Variants in TMEM35B observed in about 807,000 individuals in gnomAD.
The protein encoded by TMEM35B is transmembrane protein 35B.
Under a neutral mutation model 8.7 loss-of-function variants are expected in TMEM35B, and 6 were observed. The observed-to-expected ratio is 0.69, with a 90% CI of 0.38 to 1.36. The LOEUF (loss-of-function observed/expected upper bound fraction) is 1.36, where lower values mean the gene tolerates loss of function less well. Ranked by LOEUF, TMEM35B falls within the 40% of genes most tolerant of loss-of-function variation. TMEM35B has a pLI of 0.02. For missense variants in TMEM35B, 176 were observed against 181.6 expected, an observed-to-expected ratio of 0.97 and a Z score of 0.18; for synonymous variants, 89 against 87.0, an observed-to-expected ratio of 1.02 and a Z score of -0.13.
At chr1:34,981,784 A>C (rs1640509256) in exon 3 of TMEM35B, 1 of 549,252 alleles carries the variant, frequency 1.8e-6, no homozygotes, top group Non-Finnish European at 2.9e-6. Flanking sequence ...TCCTCACAAA[A>C]GAGTAGTAAA....
intron 2 of TMEM35B, among the ~76,000 whole-genome samples, chr1:34,982,965 C>T (rs1159246765): frequency 6.6e-6 from 1 of 152,182 alleles, no homozygotes; most frequent in African/African-American, 2.4e-5. Context: ...GATATCTGGC[C>T]TTTGAAGCAA....
chr1:34,982,224 C>T, intron 2 of TMEM35B, 105 bp from the exon 3 acceptor site: 1 of 923,304 alleles, frequency 1.1e-6, no homozygotes, highest in Non-Finnish European at 1.6e-6. Flanking sequence ...CAAGCCCTCC[C>T]ATTAAACACC....
exon 1 of TMEM35B, chr1:34,985,307 G>A: frequency 6.5e-7 from 1 of 1,530,122 alleles, no homozygotes; most frequent in Non-Finnish European, 8.8e-7. Context: ...GAGCGCCATG[G>A]CCGCGCTCCC....
chr1:34,984,595 G>A (rs190322515), intron 1 of TMEM35B, among the ~76,000 whole-genome samples: 1 of 152,260 alleles, frequency 6.6e-6, no homozygotes, highest in Non-Finnish European at 1.5e-5. Context: ...TTGGTGAACA[G>A]GATATGAAAG....
chr1:34,983,618 T>A (rs1640531426), intron 2 of TMEM35B, 149 bp downstream of exon 2: 1 of 510,574 alleles, frequency 2.0e-6, no homozygotes, highest in South Asian at 6.2e-5. Flanking sequence ...CCTGTGCTAG[T>A]TTGAAGACCA....
intron 1 of TMEM35B, among the ~76,000 whole-genome samples, chr1:34,984,446 C>A (rs1640541727): frequency 6.6e-6 from 1 of 152,202 alleles, no homozygotes; most frequent in South Asian, 2.1e-4. Context: ...TTCCTGTTCC[C>A]ACTCCTCAGC....
At chr1:34,981,932 G>T in exon 3 of TMEM35B, 2 of 1,523,436 alleles carry the variant, frequency 1.3e-6, no homozygotes, top group Non-Finnish European at 1.8e-6. Flanking sequence ...GGCATAAAGA[G>T]ACAGAGATGC....
chr1:34,985,249 C>T (rs915953575), exon 1 of TMEM35B: 107 of 1,546,406 alleles, frequency 6.9e-5, no homozygotes, highest in Non-Finnish European at 8.8e-5. Context: ...TGGCCAACCC[C>T]ACGAGCGCGA....
chr1:34,985,130 G>A lies in TMEM35B; in HGVS notation c.108+68C>T, dbSNP rs1017309962. 5.5e-4 allele frequency: 692 copies of A among 1,262,370 alleles called. 1 individual carries two copies. Among genetic ancestry groups the A allele is most frequent in the Non-Finnish European group, 6.6e-4 (637 of 958,954 alleles). The allele number at this position is 1,262,370 out of a possible 1,614,324, so 78.2% of individuals were successfully genotyped here. A position where few individuals can be genotyped will look rare whatever the true frequency, so the allele number is the denominator to read the frequency against. On this transcript the variant is annotated intron_variant, in intron 1 of 2. Transcript: ENST00000373337. ...GAAGGCGGCCTGCCGGGCCGGGGGCGAGGAGCGGCAGGGCGGAGCACACGC... is the reference window on the plus strand; with the variant it reads ...GAAGGCGGCCTGCCGGGCCGGGGGCAAGGAGCGGCAGGGCGGAGCACACGC...
intron 2 of TMEM35B, among the ~76,000 whole-genome samples, chr1:34,982,891 G>C (rs1346368032): frequency 6.6e-6 from 1 of 152,218 alleles, no homozygotes; most frequent in Admixed American, 6.5e-5. Flanking sequence ...TCCAGAGATG[G>C]AAGCAAGCCT....
intron 2 of TMEM35B, 148 bp downstream of exon 2, chr1:34,983,619 T>C (rs1640531447): frequency 3.8e-6 from 2 of 526,658 alleles, no homozygotes; most frequent in Non-Finnish European, 3.0e-6. Flanking sequence ...CTGTGCTAGT[T>C]TGAAGACCAT....
chr1:34,981,496 T>C (rs1440773890), downstream of TMEM35B: 2 of 152,424 alleles, frequency 1.3e-5, no homozygotes, highest in African/African-American at 2.4e-5. Flanking sequence ...TGGAATACTA[T>C]GCAGCCATTA....
intron 1 of TMEM35B, 116 bp downstream of exon 1, chr1:34,985,082 C>T: frequency 1.3e-6 from 1 of 759,618 alleles, no homozygotes; most frequent in Non-Finnish European, 1.9e-6. Flanking sequence ...TTTCCCCCAG[C>T]TCCAGCTGAG....
chr1:34,982,000 CCTT>C (rs1207491970), exon 3 of TMEM35B: 1 of 1,550,600 alleles, frequency 6.4e-7, no homozygotes, highest in East Asian at 2.4e-5. Flanking sequence ...GGTCTGACCA[CCTT>C]CTTAGTCTGG....
At chr1:34,982,285 C>A (rs938239658) in intron 2 of TMEM35B, among the ~76,000 whole-genome samples, 166 bp from the exon 3 acceptor site, 2 of 152,088 alleles carry the variant, frequency 1.3e-5, no homozygotes, top group African/African-American at 4.8e-5. Flanking sequence ...CATCTCTAGC[C>A]TCCTGGAGAA....
At chr1:34,984,030 G>T in intron 1 of TMEM35B, 83 bp from the exon 2 acceptor site, 1 of 1,269,008 alleles carries the variant, frequency 7.9e-7, no homozygotes, top group Non-Finnish European at 1.0e-6. Flanking sequence ...ATCTATGCCT[G>T]TGCCCTCAAC....
At chr1:34,984,616 A>T (rs1640544179) in intron 1 of TMEM35B, among the ~76,000 whole-genome samples, 4 of 152,154 alleles carry the variant, frequency 2.6e-5, no homozygotes, top group Non-Finnish European at 5.9e-5. Flanking sequence ...CTTTCCCATG[A>T]GTCTGGAACT....
intron 2 of TMEM35B, among the ~76,000 whole-genome samples, chr1:34,983,333 C>T (rs929644571): frequency 2.6e-5 from 4 of 152,124 alleles, no homozygotes; most frequent in African/African-American, 9.7e-5. Context: ...AATCCTAGCA[C>T]TTTGGGAGGC....
intron 2 of TMEM35B, among the ~76,000 whole-genome samples, chr1:34,983,374 C>T (rs745851062): frequency 7.2e-5 from 11 of 151,842 alleles, no homozygotes; most frequent in African/African-American, 4.8e-5. Context: ...TTCAGGAGAT[C>T]GAGACCATCC....
Sources: allele counts gnomAD v4.1 joint callset (sites outside exome capture counted in the v4.1 genomes callset), GRCh38; gene constraint gnomAD v4.1.1; transcripts MANE v1.5; gene names NCBI Gene and HGNC (gene_info 2026-07-23, HGNC 2026-07-21).